DCAF6: variants seen among roughly 807,000 people sequenced by gnomAD.
DCAF6 encodes the protein DDB1- and CUL4-associated factor 6.
A neutral mutation model predicts 125.1 loss-of-function variants in DCAF6; 54 were observed. The ratio of observed to expected loss-of-function variants is 0.43; its 90% CI spans 0.35 to 0.54. The LOEUF is 0.54. Ranked by LOEUF, DCAF6 falls within the 20% of genes least tolerant of loss-of-function variation. The probability of loss-of-function intolerance (pLI) is 0.01; values close to 1 mark genes in which losing one functional copy is unlikely to be tolerated. For missense variants in DCAF6, 934 were observed against 1,161.7 expected (o/e 0.80, Z 2.85); for synonymous variants, 371 against 390.4 (o/e 0.95, Z 0.58).
chr1:167,992,171 C>T (rs1680923329), intron 6 of DCAF6, among the ~76,000 whole-genome samples: 1 of 151,866 alleles, frequency 6.6e-6, no homozygotes, highest in African/African-American at 2.4e-5. Context: ...CCTTCACTCA[C>T]TATAGGATCA....
At chr1:167,934,163 G>A (rs567692018), upstream of DCAF6, among the ~76,000 whole-genome samples, 2 of 152,284 alleles carry the variant, frequency 1.3e-5, no homozygotes, top group Admixed American at 1.3e-4. Context: ...TCTTCATTCT[G>A]AAAGCTGAGT....
Position 167,993,409 on chromosome 1 carries a change from A to G in DCAF6, c.872A>G (p.Lys291Arg), listed in dbSNP as rs1681150955. 1 of 1,613,946 alleles carries G rather than the reference A, an allele frequency of 6.2e-7. No individual in the cohort carries two copies. Among genetic ancestry groups the G allele is most frequent in the African/African-American group, 1.3e-5 (1 of 75,040 alleles). Residue 291 changes from lysine to arginine, a missense_variant, in exon 7 of 22, where the codon AAA (lysine) becomes AGA (arginine). Coordinates refer to ENST00000367840, the MANE Select transcript of DCAF6 (RefSeq NM_001198956.2). Reference sequence around the variant, plus strand: ...AAAGATGATACAGCACGAGAACTTAAAACTCCTTCTGCGGAAGAGAGAAGA... The same window carrying G: ...AAAGATGATACAGCACGAGAACTTAGAACTCCTTCTGCGGAAGAGAGAAGA... Reference protein sequence around the residue: ...DPKDDTARELKTPSAEERREE... With the variant: ...DPKDDTARELRTPSAEERREE...
chr1:167,904,663 T>TTC, the DCAF6 span: 1 of 588,634 alleles, frequency 1.7e-6, no homozygotes, highest in East Asian at 2.8e-5. Flanking sequence ...GGGAGATCAT[T>TTC]TCCTGAGGTC....
intron 16 of DCAF6, among the ~76,000 whole-genome samples, chr1:168,046,939 GTTTTTAATGGATAT>G (rs1007739464): frequency 2.0e-5 from 3 of 152,058 alleles, no homozygotes; most frequent in African/African-American, 7.2e-5. Context: ...TTCTAGTAAT[GTTTTTAATGGATAT>G]TAGACACTTT....
intron 1 of DCAF6, among the ~76,000 whole-genome samples, chr1:167,939,304 T>A (rs1175366589): frequency 1.3e-5 from 2 of 152,198 alleles, no homozygotes; most frequent in East Asian, 3.8e-4. Flanking sequence ...CAATTAAAAA[T>A]TGTTATATTT....
chr1:167,971,679 C>T (rs527869804), intron 3 of DCAF6, among the ~76,000 whole-genome samples: 1 of 152,120 alleles, frequency 6.6e-6, no homozygotes, highest in Non-Finnish European at 1.5e-5. Context: ...ACCACCTTAA[C>T]GTATAGTAAT....
intron 17 of DCAF6, among the ~76,000 whole-genome samples, chr1:168,055,296 T>G (rs1295964274): frequency 1.5e-5 from 2 of 135,976 alleles, no homozygotes; most frequent in African/African-American, 2.6e-5. Flanking sequence ...AGAACCTAGA[T>G]CTTCAATCTT....
At chr1:168,017,125 ATT>A (rs933476852) in intron 11 of DCAF6, among the ~76,000 whole-genome samples, 1 of 147,288 alleles carries the variant, frequency 6.8e-6, no homozygotes. Flanking sequence ...GAGGCCTCTG[ATT>A]TTTTTTTTTC....
chr1:167,910,188 G>A, the DCAF6 span, among the ~76,000 whole-genome samples: 1 of 152,272 alleles, frequency 6.6e-6, no homozygotes, highest in Non-Finnish European at 1.5e-5. Flanking sequence ...CTGCTACAAT[G>A]GTATCTGTGG....
At chr1:168,040,278 C>T (rs919552902) in intron 13 of DCAF6, among the ~76,000 whole-genome samples, 2 of 151,662 alleles carry the variant, frequency 1.3e-5, no homozygotes, top group South Asian at 2.1e-4. Context: ...ACCAGTGTAG[C>T]GGGAGTGGAG....
chr1:167,913,624 T>G, the DCAF6 span, among the ~76,000 whole-genome samples: 1 of 152,240 alleles, frequency 6.6e-6, no homozygotes, highest in Non-Finnish European at 1.5e-5. Context: ...ATCTTCTACA[T>G]ATCTTTGTTT....
At chr1:168,036,295 A>G (rs543135691) in intron 12 of DCAF6, among the ~76,000 whole-genome samples, 37 of 152,300 alleles carry the variant, frequency 2.4e-4, no homozygotes, top group South Asian at 1.4e-3. Context: ...AAGTTTTCAT[A>G]TATCATTTAA....
the DCAF6 span, among the ~76,000 whole-genome samples, chr1:167,882,813 A>G: frequency 6.6e-6 from 1 of 152,152 alleles, no homozygotes; most frequent in Non-Finnish European, 1.5e-5. Flanking sequence ...TGATGATCAT[A>G]AGCAAAACGT....
intron 21 of DCAF6, among the ~76,000 whole-genome samples, chr1:168,072,294 T>TAAAAAAAAA (rs59674650): frequency 0.01 from 416 of 41,006 alleles, 2 homozygotes; most frequent in Non-Finnish European, 0.015. Flanking sequence ...AGAATCAGTC[T>TAAAAAAAAA]AAAAAAAAAA....
intron 17 of DCAF6, among the ~76,000 whole-genome samples, chr1:168,062,315 G>A (rs1023586049): frequency 2.6e-5 from 4 of 152,120 alleles, no homozygotes; most frequent in Non-Finnish European, 5.9e-5. Context: ...AAATTCTGGT[G>A]CTGATTATAT....
the DCAF6 span, chr1:167,875,141 G>T: frequency 1.2e-6 from 2 of 1,614,010 alleles, no homozygotes; most frequent in Non-Finnish European, 1.7e-6. Flanking sequence ...CCAGCAAAGG[G>T]TAATCCTCCT....
At chr1:167,899,546 G>A in the DCAF6 span, 10 of 1,614,190 alleles carry the variant, frequency 6.2e-6, no homozygotes, top group Middle Eastern at 3.3e-4. Flanking sequence ...GGCGCACATC[G>A]TCCACTGCCT....
At chr1:167,980,304 G>A in intron 4 of DCAF6, among the ~76,000 whole-genome samples, 1 of 152,196 alleles carries the variant, frequency 6.6e-6, no homozygotes, top group East Asian at 1.9e-4. Context: ...ATCTCTTCAA[G>A]ATCCCGTTTC....
chr1:168,009,322 CTCT>C (rs776105800), intron 10 of DCAF6, among the ~76,000 whole-genome samples: 5 of 151,398 alleles, frequency 3.3e-5, no homozygotes, highest in South Asian at 4.2e-4. Context: ...CTCTTCTCTT[CTCT>C]TCTTCTTTCC....
Sources: allele counts gnomAD v4.1 joint callset (sites outside exome capture counted in the v4.1 genomes callset), GRCh38; gene constraint gnomAD v4.1.1; transcripts MANE v1.5; gene names NCBI Gene and HGNC (gene_info 2026-07-23, HGNC 2026-07-21).